GPC5: variants seen among roughly 807,000 people sequenced by gnomAD.
The protein encoded by GPC5 is glypican 5.
A neutral mutation model predicts 53.9 loss-of-function variants in GPC5; 47 were observed. That is an observed-to-expected ratio of 0.87 (90% confidence interval 0.69 to 1.11). GPC5 has a LOEUF of 1.11. GPC5 is among the 50% of genes most tolerant of loss of function. GPC5 has a pLI of 0.00. For missense variants in GPC5, 748 were observed against 713.1 expected, an observed-to-expected ratio of 1.05 and a Z score of -0.56; for synonymous variants, 286 against 263.3, an observed-to-expected ratio of 1.09 and a Z score of -0.84.
chr13:91,956,078 G>A (rs1301269858), intron 6 of GPC5, among the ~76,000 whole-genome samples: 3 of 152,060 alleles, frequency 2.0e-5, no homozygotes, highest in East Asian at 1.9e-4. Context: ...CCAGGGGCTT[G>A]AGAATCACCT....
intron 7 of GPC5, among the ~76,000 whole-genome samples, chr13:92,282,151 T>C (rs563661752): frequency 6.6e-6 from 1 of 152,244 alleles, no homozygotes; most frequent in Admixed American, 6.5e-5. Flanking sequence ...GTATCAGTAA[T>C]TGAAGATCAA....
intron 5 of GPC5, among the ~76,000 whole-genome samples, chr13:91,799,413 A>G (rs2138770809): frequency 6.6e-6 from 1 of 152,276 alleles, no homozygotes; most frequent in East Asian, 1.9e-4. Context: ...GGGATGAATC[A>G]TACCTCAAAC....
chr13:92,709,458 G>A (rs913292378), intron 7 of GPC5: 1 of 152,096 alleles, frequency 6.6e-6, no homozygotes, highest in African/African-American at 2.4e-5. Flanking sequence ...ACATATCGAT[G>A]ATTTATAGGA....
At chr13:92,772,700 T>C (rs1875656532) in intron 7 of GPC5, among the ~76,000 whole-genome samples, 1 of 152,214 alleles carries the variant, frequency 6.6e-6, no homozygotes, top group African/African-American at 2.4e-5. Context: ...ATGTGGGCTT[T>C]CTTTTGTTCT....
chr13:91,607,499 T>A (rs530937946), intron 2 of GPC5, among the ~76,000 whole-genome samples: 108 of 152,290 alleles, frequency 7.1e-4, no homozygotes, highest in Non-Finnish European at 1.3e-3. Flanking sequence ...TTCAGCAGGA[T>A]TCATGCCCTG....
chr13:92,820,086 C>T (rs1877623095), intron 7 of GPC5, among the ~76,000 whole-genome samples: 1 of 152,006 alleles, frequency 6.6e-6, no homozygotes, highest in African/African-American at 2.4e-5. Flanking sequence ...AATCAATATC[C>T]CCACCCAACC....
chr13:92,273,777 G>A (rs746984171), intron 7 of GPC5, among the ~76,000 whole-genome samples: 26 of 152,256 alleles, frequency 1.7e-4, no homozygotes, highest in Admixed American at 3.9e-4. Flanking sequence ...CCAAGGTTCA[G>A]GGGAAATAGT....
At chr13:92,143,349 T>C (rs572696358) in intron 6 of GPC5, among the ~76,000 whole-genome samples, 159 of 152,316 alleles carry the variant, frequency 1.0e-3, no homozygotes, top group African/African-American at 3.7e-3. Context: ...TATAATGGTA[T>C]AAAATAATAC....
chr13:91,926,226 T>C (rs1232757846), intron 6 of GPC5, among the ~76,000 whole-genome samples: 5 of 151,846 alleles, frequency 3.3e-5, no homozygotes, highest in African/African-American at 1.2e-4. Context: ...CCAGGCATGG[T>C]GGCATGCACC....
intron 7 of GPC5, among the ~76,000 whole-genome samples, chr13:92,584,897 A>C (rs1377645242): frequency 2.0e-5 from 3 of 152,178 alleles, no homozygotes; most frequent in Non-Finnish European, 4.4e-5. Context: ...GGCAGCTTCC[A>C]CATGGTGTCG....
intron 7 of GPC5, among the ~76,000 whole-genome samples, chr13:92,591,811 T>G (rs1883720991): frequency 6.6e-6 from 1 of 152,130 alleles, no homozygotes; most frequent in African/African-American, 2.4e-5. Flanking sequence ...TGAGATCAAC[T>G]TTTTCAGATT....
chr13:92,455,438 A>G (rs1594215855), intron 7 of GPC5, among the ~76,000 whole-genome samples: 1 of 152,212 alleles, frequency 6.6e-6, no homozygotes, highest in African/African-American at 2.4e-5. Flanking sequence ...ACTGAAATAG[A>G]TAATCATAAA....
chr13:92,586,954 A>T (rs188444319), intron 7 of GPC5, among the ~76,000 whole-genome samples: 23 of 112,410 alleles, frequency 2.0e-4, no homozygotes, highest in Middle Eastern at 4.3e-3. Flanking sequence ...GCATACACAC[A>T]CACACACACG....
intron 6 of GPC5, among the ~76,000 whole-genome samples, chr13:92,039,384 G>A (rs946775169): frequency 1.3e-5 from 2 of 152,248 alleles, no homozygotes; most frequent in South Asian, 2.1e-4. Context: ...CGTTGGGATC[G>A]GGAATTCAGT....
intron 7 of GPC5, among the ~76,000 whole-genome samples, chr13:92,473,971 CAGG>C (rs1312550735): frequency 6.6e-6 from 1 of 152,106 alleles, no homozygotes; most frequent in African/African-American, 2.4e-5. Context: ...GAAGCAATAT[CAGG>C]AGATCATTGA....
At chr13:92,284,390 T>A (rs1003514141) in intron 7 of GPC5, among the ~76,000 whole-genome samples, 1 of 152,178 alleles carries the variant, frequency 6.6e-6, no homozygotes, top group Non-Finnish European at 1.5e-5. Context: ...ACTCATTTTA[T>A]GAGGCCAGCA....
At chr13:91,930,720 G>A (rs545773418) in intron 6 of GPC5, among the ~76,000 whole-genome samples, 5 of 152,046 alleles carry the variant, frequency 3.3e-5, no homozygotes, top group African/African-American at 1.2e-4. Flanking sequence ...AACCCCAGCA[G>A]GTCTTCTTTT....
chr13:91,759,394 T>A (rs2037362719), intron 5 of GPC5, among the ~76,000 whole-genome samples: 1 of 152,128 alleles, frequency 6.6e-6, no homozygotes, highest in South Asian at 2.1e-4. Context: ...AATTATACTT[T>A]TAGTTACTTT....
chr13:92,316,607 G>A (rs779512424), intron 7 of GPC5, among the ~76,000 whole-genome samples: 7 of 152,020 alleles, frequency 4.6e-5, no homozygotes, highest in South Asian at 2.1e-4. Flanking sequence ...AATAAGCACC[G>A]AGGGCTTTTT....
Sources: allele counts gnomAD v4.1 joint callset (sites outside exome capture counted in the v4.1 genomes callset), GRCh38; gene constraint gnomAD v4.1.1; transcripts MANE v1.5; gene names NCBI Gene and HGNC (gene_info 2026-07-23, HGNC 2026-07-21).